The following BICC1 variants were observed in gnomAD, a reference collection of about 807,000 sequenced individuals.
BICC1 encodes the protein BicC family RNA binding protein 1.
BICC1 carries 43 observed loss-of-function variants against 111.0 expected under a neutral mutation model. The observed-to-expected ratio is 0.39, with a 90% CI of 0.30 to 0.50. The LOEUF (loss-of-function observed/expected upper bound fraction) is 0.50, where lower values mean the gene tolerates loss of function less well. BICC1 is among the 20% of genes least tolerant of loss of function. BICC1 has a pLI of 0.88. For synonymous variants in BICC1, 467 were observed against 434.4 expected (o/e 1.07, Z -0.93); for missense variants, 1,091 against 1,203.2 (o/e 0.91, Z 1.38).
chr10:58,725,728 C>T (rs1285999238), intron 3 of BICC1, among the ~76,000 whole-genome samples: 1 of 152,172 alleles, frequency 6.6e-6, no homozygotes, highest in Non-Finnish European at 1.5e-5. Flanking sequence ...TTCCTGGCCA[C>T]CTCAGGCCAT....
chr10:58,817,897 A>G (rs111631954), intron 19 of BICC1, among the ~76,000 whole-genome samples, 175 bp downstream of exon 19: 9 of 152,342 alleles, frequency 5.9e-5, no homozygotes, highest in African/African-American at 2.2e-4. Context: ...TAGTGCAGCT[A>G]GTAAACACGG....
chr10:58,668,254 A>G (rs1027182635), intron 2 of BICC1, among the ~76,000 whole-genome samples: 1 of 152,098 alleles, frequency 6.6e-6, no homozygotes, highest in African/African-American at 2.4e-5. Flanking sequence ...CAATTTATAC[A>G]AAAAGTAGTT....
chr10:58,792,432 A>G (rs1405991952), intron 8 of BICC1, among the ~76,000 whole-genome samples: 2 of 152,174 alleles, frequency 1.3e-5, no homozygotes, highest in African/African-American at 2.4e-5. Flanking sequence ...GACCGGACCA[A>G]TACTGGTCAG....
At chr10:58,599,598 A>G (rs1242652877) in intron 1 of BICC1, among the ~76,000 whole-genome samples, 1 of 152,142 alleles carries the variant, frequency 6.6e-6, no homozygotes, top group Non-Finnish European at 1.5e-5. Context: ...GTGTATACCT[A>G]TGTAACAAAA....
intron 1 of BICC1, among the ~76,000 whole-genome samples, chr10:58,561,979 A>C (rs1457743133): frequency 2.0e-5 from 3 of 152,088 alleles, no homozygotes. Flanking sequence ...TTCTGCTGAT[A>C]AATTTGCTGT....
At chr10:58,710,419 C>T (rs889521801) in intron 3 of BICC1, among the ~76,000 whole-genome samples, 27 of 152,112 alleles carry the variant, frequency 1.8e-4, no homozygotes, top group Admixed American at 1.5e-3. Flanking sequence ...TTCATAATGT[C>T]TCAGTCCTTG....
rs1308731263 is a variant in BICC1 at position 58,813,898 on chromosome 10, C to T, written c.2445C>T (p.Asn815=). The T allele has an allele frequency of 4.3e-6, 7 of 1,614,026 alleles. No individual in the cohort carries two copies. In the East Asian group the frequency reaches 8.9e-5, roughly 21 times the overall value. The change falls in exon 18 of 21, where the codon AAC becomes AAT. Residue 815 remains asparagine (N), a synonymous_variant. Transcript: ENST00000373886. ...TGGGAGGTGGAAGCGAATCTGATAA[C>T]TGGAGAGACCGAAATGGAATTGGAC... is the stretch of plus-strand genomic sequence containing the variant. The part of the protein sequence containing the change: ...EHLGGGSESD[N]WRDRNGIGPG...
intron 2 of BICC1, among the ~76,000 whole-genome samples, chr10:58,684,545 A>G (rs981370976): frequency 1.3e-5 from 2 of 152,182 alleles, no homozygotes; most frequent in East Asian, 1.9e-4. Context: ...TATTGCCTCA[A>G]TTTCAGAGCC....
At chr10:58,677,711 C>T (rs190408796) in intron 2 of BICC1, among the ~76,000 whole-genome samples, 1 of 152,244 alleles carries the variant, frequency 6.6e-6, no homozygotes, top group Admixed American at 6.5e-5. Flanking sequence ...CACAAAGTTA[C>T]TCCTAGAGAA....
chr10:58,749,344 T>C (rs1035006820), intron 3 of BICC1, among the ~76,000 whole-genome samples: 7 of 152,140 alleles, frequency 4.6e-5, no homozygotes, highest in Non-Finnish European at 1.5e-5. Flanking sequence ...CTACTGGCTG[T>C]CAAAACTATA....
chr10:58,584,418 ACT>A (rs1339996273), intron 1 of BICC1, among the ~76,000 whole-genome samples: 2 of 151,426 alleles, frequency 1.3e-5, no homozygotes, highest in East Asian at 1.9e-4. Flanking sequence ...CTCCTACTAA[ACT>A]CTGGGAGGAG....
intron 1 of BICC1, among the ~76,000 whole-genome samples, chr10:58,557,357 A>G (rs1843480190): frequency 2.2e-5 from 3 of 138,696 alleles, no homozygotes; most frequent in Middle Eastern, 3.7e-3. Flanking sequence ...TTTTTTTTTC[A>G]TGTGTTCAGT....
At chr10:58,758,281 C>G (rs931005477) in intron 3 of BICC1, among the ~76,000 whole-genome samples, 1 of 152,106 alleles carries the variant, frequency 6.6e-6, no homozygotes, top group Non-Finnish European at 1.5e-5. Context: ...GCCATATATA[C>G]TTATAGATTT....
chr10:58,572,170 T>C (rs1215233193), intron 1 of BICC1, among the ~76,000 whole-genome samples: 2 of 152,172 alleles, frequency 1.3e-5, no homozygotes, highest in East Asian at 1.9e-4. Flanking sequence ...CACTTTTAAG[T>C]GGGATTTTTT....
At chr10:58,684,091 T>C (rs564915598) in intron 2 of BICC1, among the ~76,000 whole-genome samples, 2 of 152,228 alleles carry the variant, frequency 1.3e-5, no homozygotes, top group Non-Finnish European at 2.9e-5. Context: ...TGAAGCGCTG[T>C]TGAATTTCGT....
At chr10:58,826,745 C>T (rs1844410476) in intron 20 of BICC1, among the ~76,000 whole-genome samples, 1 of 152,078 alleles carries the variant, frequency 6.6e-6, no homozygotes, top group African/African-American at 2.4e-5. Flanking sequence ...GGCTATAGAG[C>T]GAGACTGTCC....
At chr10:58,558,435 TCTC>T (rs975584738) in intron 1 of BICC1, among the ~76,000 whole-genome samples, 2 of 152,088 alleles carry the variant, frequency 1.3e-5, no homozygotes, top group Non-Finnish European at 2.9e-5. Flanking sequence ...ATCTGTAAGT[TCTC>T]CTGGCAATAA....
intron 1 of BICC1, among the ~76,000 whole-genome samples, chr10:58,578,669 T>G (rs1035759771): frequency 6.6e-6 from 1 of 152,128 alleles, no homozygotes; most frequent in Non-Finnish European, 1.5e-5. Context: ...AAATTGAAAT[T>G]TGAAAGAGGT....
At chr10:58,575,463 T>A in intron 1 of BICC1, among the ~76,000 whole-genome samples, 1 of 152,194 alleles carries the variant, frequency 6.6e-6, no homozygotes, top group Admixed American at 6.5e-5. Context: ...GGCTTGCCTT[T>A]GAGTATTATG....
Sources: gnomAD v4.1 joint callset for allele counts (sites outside exome capture counted in the v4.1 genomes callset) on GRCh38, gnomAD v4.1.1 for gene constraint, MANE v1.5 for transcripts, NCBI Gene and HGNC (gene_info 2026-07-23, HGNC 2026-07-21) for gene names.